Variants in NCOA2 observed in about 807,000 individuals in gnomAD.
NCOA2 encodes the protein class E basic helix-loop-helix protein 75.
NCOA2 carries 21 observed loss-of-function variants against 145.1 expected under a neutral mutation model. The observed-to-expected ratio is 0.14, with a 90% CI of 0.10 to 0.21. The LOEUF (loss-of-function observed/expected upper bound fraction) is 0.21. NCOA2 is among the 10% of genes least tolerant of loss of function. The pLI, the probability that NCOA2 is intolerant of heterozygous loss-of-function variation, is 1.00. For synonymous variants in NCOA2, 619 were observed against 637.5 expected (o/e 0.97, Z 0.44); for missense variants, 1,472 against 1,837.6 (o/e 0.80, Z 3.64).
chr8:70,290,931 A>T (rs1023909241), intron 2 of NCOA2, among the ~76,000 whole-genome samples: 5 of 152,234 alleles, frequency 3.3e-5, no homozygotes, highest in African/African-American at 9.6e-5. Flanking sequence ...CTAGAAAATA[A>T]CATACATCTG....
chr8:70,331,320 T>G (rs1206957339), intron 1 of NCOA2, among the ~76,000 whole-genome samples: 1 of 152,118 alleles, frequency 6.6e-6, no homozygotes, highest in African/African-American at 2.4e-5. Context: ...AAGTAATCAT[T>G]TTAGTCTTTA....
intron 1 of NCOA2, among the ~76,000 whole-genome samples, chr8:70,398,279 C>T (rs1188314574): frequency 2.6e-5 from 4 of 152,048 alleles, no homozygotes; most frequent in African/African-American, 9.7e-5. Context: ...GGCAACATCG[C>T]AAGCCTCATC....
At chr8:70,220,767 C>T (rs1820066553) in intron 2 of NCOA2, among the ~76,000 whole-genome samples, 1 of 152,162 alleles carries the variant, frequency 6.6e-6, no homozygotes, top group African/African-American at 2.4e-5. Flanking sequence ...GTTAATCATC[C>T]ATAATTTATG....
At chr8:70,445,920 G>C in the NCOA2 span, among the ~76,000 whole-genome samples, 4 of 152,158 alleles carry the variant, frequency 2.6e-5, no homozygotes, top group Non-Finnish European at 5.9e-5. Context: ...GGAAGGGTCG[G>C]AGAGAGCACA....
At chr8:70,448,962 G>T in the NCOA2 span, among the ~76,000 whole-genome samples, 1 of 151,968 alleles carries the variant, frequency 6.6e-6, no homozygotes, top group East Asian at 1.9e-4. Context: ...GCACCACCAT[G>T]CTCAGCTGAT....
chr8:70,398,028 T>C lies in NCOA2; in HGVS notation c.-77+5672A>G, dbSNP rs182272791. The stretch of plus-strand genomic sequence containing the variant: ...CACTCTATGTTCCCCCTTTAATTAC[T>C]GGCTCTGTAATGGATGGTTTATACT... On this transcript the variant is annotated intron_variant, in intron 1 of 22. Coordinates refer to ENST00000452400, the MANE Select transcript of NCOA2 (RefSeq NM_006540.4). 2.6e-5 allele frequency among the ~76,000 whole-genome samples: 4 copies of C among 152,272 alleles called. No individual in the cohort carries two copies. In the East Asian group the frequency reaches 7.7e-4, roughly 29 times the overall value.
chr8:70,123,843 G>A (rs1046913750), intron 21 of NCOA2, 41 bp downstream of exon 21: 16 of 1,508,946 alleles, frequency 1.1e-5, no homozygotes, highest in Middle Eastern at 2.0e-4. Flanking sequence ...AAAAAAAGCC[G>A]TGATATGAAG....
intron 2 of NCOA2, among the ~76,000 whole-genome samples, chr8:70,224,577 A>G (rs1332677161): frequency 6.6e-6 from 1 of 152,116 alleles, no homozygotes; most frequent in Non-Finnish European, 1.5e-5. Context: ...TAGAACTTAT[A>G]GACACTTAGA....
intron 1 of NCOA2, among the ~76,000 whole-genome samples, chr8:70,385,408 C>T (rs1291241625): frequency 2.0e-5 from 3 of 152,174 alleles, no homozygotes; most frequent in African/African-American, 4.8e-5. Flanking sequence ...AAAACAAATA[C>T]TCTTGTATTC....
At chr8:70,169,214 A>C (rs1813960338) in intron 6 of NCOA2, among the ~76,000 whole-genome samples, 1 of 152,228 alleles carries the variant, frequency 6.6e-6, no homozygotes. Flanking sequence ...AGGTGGGCCC[A>C]CGCTGTGAAT....
intron 1 of NCOA2, among the ~76,000 whole-genome samples, chr8:70,313,437 G>C (rs1314433788): frequency 2.0e-5 from 3 of 152,092 alleles, no homozygotes; most frequent in African/African-American, 7.2e-5. Flanking sequence ...TTTAGTAATG[G>C]TATTTTAGAA....
chr8:70,346,687 G>A (rs917247831), intron 1 of NCOA2, among the ~76,000 whole-genome samples: 9 of 152,192 alleles, frequency 5.9e-5, no homozygotes, highest in African/African-American at 1.7e-4. Context: ...TCATATTACC[G>A]AAAATACCAG....
At chr8:70,413,639 A>T in the NCOA2 span, among the ~76,000 whole-genome samples, 40 of 152,350 alleles carry the variant, frequency 2.6e-4, no homozygotes, top group African/African-American at 9.4e-4. Flanking sequence ...GGCTTTATAA[A>T]CATGGACCAC....
At chr8:70,114,130 G>C (rs1014819762) in intron 22 of NCOA2, among the ~76,000 whole-genome samples, 2 of 152,070 alleles carry the variant, frequency 1.3e-5, no homozygotes, top group Non-Finnish European at 2.9e-5. Flanking sequence ...TACTCCCAAG[G>C]TTCTCTGGGT....
chr8:70,438,102 T>G, the NCOA2 span, among the ~76,000 whole-genome samples: 1 of 152,230 alleles, frequency 6.6e-6, no homozygotes, highest in Non-Finnish European at 1.5e-5. Context: ...TTCAATGGCC[T>G]AATATCTCCA....
intron 2 of NCOA2, among the ~76,000 whole-genome samples, chr8:70,263,197 G>A (rs78646774): frequency 0.034 from 4,955 of 145,434 alleles, 297 homozygotes; most frequent in African/African-American, 0.12. Context: ...TAACCAAGCC[G>A]GCTACTAGAT....
intron 1 of NCOA2, among the ~76,000 whole-genome samples, chr8:70,359,542 G>A (rs1310008454): frequency 2.0e-5 from 3 of 152,124 alleles, no homozygotes; most frequent in African/African-American, 7.2e-5. Flanking sequence ...CAGATTAGTG[G>A]TTGCCAGCCA....
At chr8:70,131,186 A>ATT (rs35546051) in intron 16 of NCOA2, among the ~76,000 whole-genome samples, 5 of 149,890 alleles carry the variant, frequency 3.3e-5, no homozygotes, top group East Asian at 2.0e-4. Flanking sequence ...GTGACATTTT[A>ATT]TTTTTTTTTT....
the NCOA2 span, among the ~76,000 whole-genome samples, chr8:70,444,208 T>C: frequency 6.6e-6 from 1 of 152,240 alleles, no homozygotes; most frequent in Non-Finnish European, 1.5e-5. Flanking sequence ...ACTATTGATA[T>C]ACACAACAAC....
Sources: gnomAD v4.1 joint callset for allele counts (sites outside exome capture counted in the v4.1 genomes callset) on GRCh38, gnomAD v4.1.1 for gene constraint, MANE v1.5 for transcripts, NCBI Gene and HGNC (gene_info 2026-07-23, HGNC 2026-07-21) for gene names.